The following FAM107B variants were observed in gnomAD, a reference collection of about 807,000 sequenced individuals.
FAM107B encodes the protein protein FAM107B.
FAM107B carries 21 observed loss-of-function variants against 31.5 expected under a neutral mutation model. The observed-to-expected ratio is 0.67, with a 90% CI of 0.47 to 0.96. FAM107B has a LOEUF of 0.96. Among genes scored for constraint, FAM107B ranks in the 40% least tolerant of loss-of-function variants. The probability of loss-of-function intolerance (pLI) is 0.00; values close to 1 mark genes in which losing one functional copy is unlikely to be tolerated. For synonymous variants in FAM107B, 157 were observed against 141.5 expected (o/e 1.11, Z -0.78); for missense variants, 452 against 377.1 (o/e 1.20, Z -1.64).
At chr10:14,668,690 T>C (rs34234543) in intron 1 of FAM107B, among the ~76,000 whole-genome samples, 3,345 of 152,298 alleles carry the variant, frequency 0.022, 53 homozygotes, top group Non-Finnish European at 0.033. Context: ...TAAACAAATA[T>C]TTGATGAGTG....
At chr10:14,745,985 G>C (rs113104725) in intron 1 of FAM107B, among the ~76,000 whole-genome samples, 1,948 of 152,154 alleles carry the variant, frequency 0.013, 43 homozygotes, top group African/African-American at 0.043. Flanking sequence ...GGGTGCTCCT[G>C]TATTGAGTGT....
At chr10:14,607,456 TTATGAGC>T (rs1248966243) in intron 2 of FAM107B, among the ~76,000 whole-genome samples, 11 of 152,278 alleles carry the variant, frequency 7.2e-5, no homozygotes, top group African/African-American at 1.9e-4. Flanking sequence ...AACTCAAAGG[TTATGAGC>T]TATGGTGATA....
intron 1 of FAM107B, among the ~76,000 whole-genome samples, chr10:14,769,675 C>T (rs35048595): frequency 3.3e-5 from 5 of 152,088 alleles, no homozygotes; most frequent in Admixed American, 2.0e-4. Context: ...CGTGAGCCAC[C>T]GCGCCCGGCC....
chr10:14,538,358 A>G (rs529217814), intron 2 of FAM107B, among the ~76,000 whole-genome samples: 1 of 152,348 alleles, frequency 6.6e-6, no homozygotes, highest in South Asian at 2.1e-4. Flanking sequence ...CGGTGTGCTG[A>G]CATAGTGGAA....
chr10:14,769,380 T>A (rs572836959), intron 1 of FAM107B, among the ~76,000 whole-genome samples: 113 of 148,596 alleles, frequency 7.6e-4, no homozygotes, highest in Non-Finnish European at 1.4e-3. Context: ...ACAACTGACA[T>A]TTTTGTTTTT....
In FAM107B at chr10:14,519,578, G is replaced by C. The variant is rs1286270520; in HGVS notation, c.*1612C>G. On this transcript the variant is annotated 3_prime_UTR_variant, in exon 5 of 5. Transcript: ENST00000181796. ...CTGATGAGATAAATAATCCATTTCA[G>C]GTATAATCAACTAACATGTTTCTCT... is the stretch of plus-strand genomic sequence containing the variant. 6.6e-6 allele frequency: 1 copy of C among 152,112 alleles called. No individual in the cohort carries two copies. Among genetic ancestry groups the C allele is most frequent in the Non-Finnish European group, 1.5e-5 (1 of 68,028 alleles). The allele number at this position is 152,112 out of a possible 1,614,324, so 9.4% of individuals were successfully genotyped here. A position where few individuals can be genotyped will look rare whatever the true frequency, so the allele number is the denominator to read the frequency against.
At chr10:14,711,428 G>A (rs535899981) in intron 1 of FAM107B, among the ~76,000 whole-genome samples, 19 of 152,076 alleles carry the variant, frequency 1.2e-4, no homozygotes, top group Middle Eastern at 3.4e-3. Flanking sequence ...CTTTTCTTAC[G>A]TTTAGATACA....
At chr10:14,553,319 T>C (rs1259965590) in intron 2 of FAM107B, 2 of 1,261,240 alleles carry the variant, frequency 1.6e-6, no homozygotes, top group African/African-American at 1.6e-5. Context: ...TCCCCACACT[T>C]ACTAAAATAC....
chr10:14,759,367 A>C (rs1588760838), intron 1 of FAM107B, among the ~76,000 whole-genome samples: 1 of 152,130 alleles, frequency 6.6e-6, no homozygotes, highest in Non-Finnish European at 1.5e-5. Context: ...CTGCTCATAT[A>C]GCCACTATTC....
At position 14,624,611 on chromosome 10, in the gene FAM107B, G is replaced by A. The variant is rs1413629514; in HGVS notation, c.469+43023C>T. Among the ~76,000 whole-genome samples, 3 of 152,226 alleles carry A rather than the reference G, an allele frequency of 2.0e-5. No individual in the cohort carries two copies. In the East Asian group the frequency reaches 5.8e-4, roughly 29 times the overall value. On this transcript the variant is annotated intron_variant, in intron 2 of 4. Transcript: ENST00000181796. ...AGATCCTGCCGGTGCACACCAGCCT[G>A]GATGACAGAGCAAGACTCCGTTTCA...
intron 1 of FAM107B, among the ~76,000 whole-genome samples, chr10:14,682,655 C>T (rs554860795): frequency 1.3e-5 from 2 of 152,228 alleles, no homozygotes; most frequent in South Asian, 4.1e-4. Flanking sequence ...AAAACCAAGC[C>T]TCACATGTTC....
intron 2 of FAM107B, among the ~76,000 whole-genome samples, chr10:14,613,705 G>A (rs912338893): frequency 6.6e-6 from 1 of 151,970 alleles, no homozygotes; most frequent in Non-Finnish European, 1.5e-5. Flanking sequence ...CTTTCCTTCC[G>A]TCTGCCCCAC....
intron 2 of FAM107B, among the ~76,000 whole-genome samples, chr10:14,536,741 C>T (rs772931170): frequency 2.0e-5 from 3 of 152,130 alleles, no homozygotes; most frequent in African/African-American, 4.8e-5. Flanking sequence ...GAGTCATCAG[C>T]GTAAGTGCAG....
Position 14,659,813 on chromosome 10 carries a change from T to A in FAM107B, c.469+7821A>T, listed in dbSNP as rs537184044. 2.0e-5 allele frequency among the ~76,000 whole-genome samples: 3 copies of A among 152,302 alleles called. No individual in the cohort carries two copies. The South Asian group carries it at 6.2e-4, about 32-fold the overall frequency. On this transcript the variant is annotated intron_variant, in intron 2 of 4. Transcript: ENST00000181796. ...TCTGAACTCCAAGTGTCATGGACCT[T>A]CCCGCAGAGGGGCTGGCCTTATGTG...
intron 2 of FAM107B, among the ~76,000 whole-genome samples, chr10:14,576,111 T>C (rs1851455291): frequency 6.6e-6 from 1 of 152,228 alleles, no homozygotes; most frequent in Admixed American, 6.5e-5. Flanking sequence ...AATTGTATTA[T>C]GGTTACCGAG....
intron 1 of FAM107B, among the ~76,000 whole-genome samples, chr10:14,699,519 G>A (rs1016314311): frequency 6.6e-6 from 1 of 152,148 alleles, no homozygotes; most frequent in African/African-American, 2.4e-5. Context: ...ATCAAGCAGA[G>A]AGAACAAACT....
rs1389746920 is a variant in FAM107B, at chr10:14,556,170, A to G, written c.470-25655T>C. The G allele has an allele frequency of 2.9e-5, 5 of 172,968 alleles. No individual in the cohort carries two copies. In the South Asian group the frequency reaches 7.6e-4, roughly 26 times the overall value. The allele number at this position is 172,968 out of a possible 1,614,324, so 10.7% of individuals were successfully genotyped here. Reference sequence around the variant, plus strand: ...ACAGACCAAGCACATTCCCTTCTCAATACTCGATATACAAAAACAGCACTA... The same window carrying G: ...ACAGACCAAGCACATTCCCTTCTCAGTACTCGATATACAAAAACAGCACTA... On this transcript the variant is annotated intron_variant, in intron 2 of 4. Transcript: ENST00000181796.
At chr10:14,770,288 G>T (rs1833271424) in intron 1 of FAM107B, among the ~76,000 whole-genome samples, 1 of 152,134 alleles carries the variant, frequency 6.6e-6, no homozygotes, top group Non-Finnish European at 1.5e-5. Context: ...ACTTCGGGAG[G>T]CCAAGGCGGG....
chr10:14,617,830 G>T (rs912909066), intron 2 of FAM107B, among the ~76,000 whole-genome samples: 38 of 151,912 alleles, frequency 2.5e-4, no homozygotes, highest in African/African-American at 8.9e-4. Context: ...GGTGGCGCAT[G>T]CCTGTTTTCC....
Sources: allele counts gnomAD v4.1 joint callset (sites outside exome capture counted in the v4.1 genomes callset), GRCh38; gene constraint gnomAD v4.1.1; transcripts MANE v1.5; gene names NCBI Gene and HGNC (gene_info 2026-07-23, HGNC 2026-07-21).